LSAMP: variants seen among roughly 807,000 people sequenced by gnomAD.
The protein encoded by LSAMP is limbic system associated membrane protein.
A neutral mutation model predicts 38.6 loss-of-function variants in LSAMP; 7 were observed. The ratio of observed to expected loss-of-function variants is 0.18; its 90% CI spans 0.10 to 0.34. The LOEUF is 0.34. Among genes scored for constraint, LSAMP ranks in the 10% least tolerant of loss-of-function variants. LSAMP has a pLI of 1.00. For synonymous variants in LSAMP, 154 were observed against 166.8 expected (o/e 0.92, Z 0.59); for missense variants, 313 against 420.0 (o/e 0.75, Z 2.23).
chr3:116,306,179 G>A (rs1336670977), intron 1 of LSAMP, among the ~76,000 whole-genome samples: 1 of 152,018 alleles, frequency 6.6e-6, no homozygotes, highest in Non-Finnish European at 1.5e-5. Context: ...TTTGGGGTGG[G>A]ATGAGAGAGT....
chr3:116,209,454 A>G (rs1168752951), intron 1 of LSAMP, among the ~76,000 whole-genome samples: 1 of 152,136 alleles, frequency 6.6e-6, no homozygotes, highest in East Asian at 1.9e-4. Context: ...GAAGTTTGTG[A>G]GTTTTTGAAA....
intron 1 of LSAMP, 145 bp downstream of exon 1, chr3:116,444,732 A>G (rs574955535): frequency 1.2e-6 from 1 of 801,404 alleles, no homozygotes; most frequent in Non-Finnish European, 1.9e-6. Flanking sequence ...CACACACACC[A>G]CACACACACA....
intron 1 of LSAMP, among the ~76,000 whole-genome samples, chr3:116,140,737 T>C (rs1015925827): frequency 1.3e-5 from 2 of 151,972 alleles, no homozygotes; most frequent in African/African-American, 4.8e-5. Context: ...ATCCACAATA[T>C]GTATCTGCTC....
intron 1 of LSAMP, among the ~76,000 whole-genome samples, chr3:116,297,666 G>C (rs982995231): frequency 6.6e-6 from 1 of 152,024 alleles, no homozygotes; most frequent in Non-Finnish European, 1.5e-5. Flanking sequence ...TTTCTGGATA[G>C]ACTGAGAAAA....
intron 3 of LSAMP, among the ~76,000 whole-genome samples, chr3:115,853,029 G>A (rs1935381933): frequency 6.6e-6 from 1 of 152,116 alleles, no homozygotes; most frequent in Non-Finnish European, 1.5e-5. Context: ...GCTGGTTAAG[G>A]GTTTCGAACA....
intron 3 of LSAMP, among the ~76,000 whole-genome samples, chr3:116,018,227 T>C (rs1940540796): frequency 6.6e-6 from 1 of 152,112 alleles, no homozygotes; most frequent in Admixed American, 6.6e-5. Context: ...AGGCCTTTAA[T>C]AAGAATACCC....
intron 1 of LSAMP, among the ~76,000 whole-genome samples, chr3:116,432,863 T>C (rs540146755): frequency 1.3e-5 from 2 of 152,238 alleles, no homozygotes; most frequent in African/African-American, 2.4e-5. Context: ...TGCATCATAT[T>C]AGTGCCAAAA....
intron 1 of LSAMP, among the ~76,000 whole-genome samples, chr3:116,333,033 A>G (rs942709260): frequency 6.6e-6 from 1 of 152,158 alleles, no homozygotes; most frequent in Non-Finnish European, 1.5e-5. Context: ...AGTATACAAT[A>G]ATAGTTGTAG....
intron 3 of LSAMP, among the ~76,000 whole-genome samples, chr3:115,991,665 C>T (rs975327424): frequency 4.6e-5 from 7 of 152,058 alleles, no homozygotes; most frequent in Non-Finnish European, 1.0e-4. Flanking sequence ...TTGTATCTAT[C>T]TGGGAAAAGA....
At chr3:116,002,871 C>T (rs1044597930) in intron 3 of LSAMP, among the ~76,000 whole-genome samples, 7 of 152,134 alleles carry the variant, frequency 4.6e-5, no homozygotes, top group Non-Finnish European at 7.4e-5. Flanking sequence ...ATACCTGACA[C>T]ATCTATTATG....
chr3:115,802,852 G>A lies in LSAMP; in HGVS notation c.*7465C>T, dbSNP rs892166312. 6.6e-6 allele frequency: 1 copy of A among 152,122 alleles called. No homozygotes were observed. Among genetic ancestry groups the A allele is most frequent in the African/African-American group, 2.4e-5 (1 of 41,416 alleles). The allele number at this position is 152,122 out of a possible 1,614,324, so 9.4% of individuals were successfully genotyped here. On this transcript the variant is annotated 3_prime_UTR_variant, in exon 7 of 7. Transcript: ENST00000490035. ...GGAGATGGGGGAGGGAGTTGGAAGTGTTCTCTTTTGCTTCTCTCCCCCTGA... is the reference window on the plus strand; with the variant it reads ...GGAGATGGGGGAGGGAGTTGGAAGTATTCTCTTTTGCTTCTCTCCCCCTGA...
At chr3:116,338,203 G>A (rs1456550659) in intron 1 of LSAMP, among the ~76,000 whole-genome samples, 3 of 151,928 alleles carry the variant, frequency 2.0e-5, no homozygotes, top group Admixed American at 2.0e-4. Flanking sequence ...AGAAGTGATT[G>A]GAATTTAGGA....
At chr3:115,959,495 A>T (rs1938559062) in intron 3 of LSAMP, among the ~76,000 whole-genome samples, 1 of 152,352 alleles carries the variant, frequency 6.6e-6, no homozygotes, top group Non-Finnish European at 1.5e-5. Context: ...TAACTGAAAG[A>T]CACTTTTAAA....
At chr3:116,236,912 T>A (rs573047835) in intron 1 of LSAMP, among the ~76,000 whole-genome samples, 1 of 151,772 alleles carries the variant, frequency 6.6e-6, no homozygotes, top group African/African-American at 2.4e-5. Context: ...TATAAGGTCA[T>A]TCCCTACTCC....
In LSAMP at chr3:115,928,308, C is replaced by T. The variant is rs181955645; in HGVS notation, c.515-75691G>A. Among the ~76,000 whole-genome samples the T allele has an allele frequency of 3.1e-4, 47 of 152,236 alleles. 1 individual carries two copies. Among genetic ancestry groups the T allele is most frequent in the African/African-American group, 9.9e-4 (41 of 41,536 alleles). On this transcript the variant is annotated intron_variant, in intron 3 of 6. Transcript: ENST00000490035. Reference sequence around the variant, plus strand: ...TTTAATGATTAATTTATTCAAAAGGCTCTTATTTAAAACCACTGTTCATAG... The same window carrying T: ...TTTAATGATTAATTTATTCAAAAGGTTCTTATTTAAAACCACTGTTCATAG...
Position 116,159,212 on chromosome 3 carries a change from G to A in LSAMP, c.156-72656C>T, listed in dbSNP as rs147704248. 6.7e-3 allele frequency among the ~76,000 whole-genome samples: 1,017 copies of A among 152,088 alleles called. 12 individuals carry two copies. Among genetic ancestry groups the A allele is most frequent in the African/African-American group, 0.023 (971 of 41,494 alleles). ...TAGGACGTTGCAAAGATTTCATGAC[G>A]AAGACACCAAAAGCAAATTGCAACA... is the stretch of plus-strand genomic sequence containing the variant. On this transcript the variant is annotated intron_variant, in intron 1 of 6. Transcript: ENST00000490035.
chr3:116,368,589 A>G (rs1163386836), intron 1 of LSAMP, among the ~76,000 whole-genome samples: 1 of 152,204 alleles, frequency 6.6e-6, no homozygotes, highest in Non-Finnish European at 1.5e-5. Flanking sequence ...CTCTGAATCT[A>G]CTTCGTAAGC....
intron 1 of LSAMP, among the ~76,000 whole-genome samples, chr3:116,314,894 GT>G (rs561117995): frequency 2.0e-5 from 3 of 152,198 alleles, no homozygotes; most frequent in Non-Finnish European, 4.4e-5. Context: ...ATTCTTGGGG[GT>G]TTTTTTGTTT....
At chr3:115,866,467 T>G (rs1307169868) in intron 3 of LSAMP, among the ~76,000 whole-genome samples, 5 of 152,166 alleles carry the variant, frequency 3.3e-5, no homozygotes, top group Non-Finnish European at 7.4e-5. Flanking sequence ...GTACGTTACC[T>G]TTCTTGGTTT....
Sources: gnomAD v4.1 joint callset for allele counts (sites outside exome capture counted in the v4.1 genomes callset) on GRCh38, gnomAD v4.1.1 for gene constraint, MANE v1.5 for transcripts, NCBI Gene and HGNC (gene_info 2026-07-23, HGNC 2026-07-21) for gene names.